SPSB4: variants seen among roughly 807,000 people sequenced by gnomAD.
SPSB4 encodes splA/ryanodine receptor domain and SOCS box containing 4.
In SPSB4, 21 loss-of-function variants were observed where a neutral mutation model predicts 20.9. The ratio of observed to expected loss-of-function variants is 1.01; its 90% confidence interval spans 0.71 to 1.45. The LOEUF (loss-of-function observed/expected upper bound fraction) is 1.45. Ranked by LOEUF, SPSB4 falls within the 40% of genes most tolerant of loss-of-function variation. The pLI, the probability that SPSB4 is intolerant of heterozygous loss-of-function variation, is 0.00. For missense variants in SPSB4, 399 were observed against 399.2 expected, an observed-to-expected ratio of 1.00 and a Z score of 0.00; for synonymous variants, 207 against 183.8, an observed-to-expected ratio of 1.13 and a Z score of -1.02.
In SPSB4 at chr3:141,141,080, C is replaced by T. The variant is rs1286126349; in HGVS notation, c.695-6062C>T. Among the ~76,000 whole-genome samples, 3 of 152,356 alleles carry T rather than the reference C, an allele frequency of 2.0e-5. No homozygotes were observed. The East Asian group carries it at 5.8e-4, about 29-fold the overall frequency. ...TGCCGCCTTGCAGTTTGATCTCAGACTGCTGTGCTAGCAATGAGTGAGGCT... is the reference window on the plus strand; with the variant it reads ...TGCCGCCTTGCAGTTTGATCTCAGATTGCTGTGCTAGCAATGAGTGAGGCT... On this transcript the variant is annotated intron_variant, in intron 2 of 2. Transcript: ENST00000310546.
At chr3:141,112,409 G>A (rs1938813538) in intron 2 of SPSB4, among the ~76,000 whole-genome samples, 1 of 151,940 alleles carries the variant, frequency 6.6e-6, no homozygotes, top group African/African-American at 2.4e-5. Context: ...ACTTTGGGAG[G>A]CCGAGGCGGG....
intron 2 of SPSB4, among the ~76,000 whole-genome samples, chr3:141,118,596 T>A (rs566000139): frequency 6.6e-6 from 1 of 152,316 alleles, no homozygotes; most frequent in African/African-American, 2.4e-5. Flanking sequence ...ATTGCCTAGG[T>A]TTTCTTCTAG....
At chr3:141,100,844 G>C (rs1169809680) in intron 2 of SPSB4, among the ~76,000 whole-genome samples, 2 of 152,170 alleles carry the variant, frequency 1.3e-5, no homozygotes, top group African/African-American at 4.8e-5. Flanking sequence ...GGGGCCTAGG[G>C]AGAGAAGGGA....
intron 1 of SPSB4, among the ~76,000 whole-genome samples, chr3:141,063,774 TG>T (rs2107777495): frequency 6.6e-6 from 1 of 152,350 alleles, no homozygotes; most frequent in African/African-American, 2.4e-5. Flanking sequence ...TAAACCTTCT[TG>T]GATCAGCATT....
intron 2 of SPSB4, among the ~76,000 whole-genome samples, chr3:141,118,332 G>C (rs1399593808): frequency 6.6e-6 from 1 of 152,110 alleles, no homozygotes; most frequent in Non-Finnish European, 1.5e-5. Flanking sequence ...CCTAATTTTT[G>C]ATGGGGTTGT....
rs183103075 is a variant in SPSB4, at chr3:141,109,037, C to G, written c.695-38105C>G. On this transcript the variant is annotated intron_variant, in intron 2 of 2. Coordinates refer to ENST00000310546, the MANE Select transcript of SPSB4 (RefSeq NM_080862.3). ...TTTATTCATTCATCAAAACCTGGGC[C>G]TTTTGGAGTCCAGTTTTTTAAATTT... Among the ~76,000 whole-genome samples the G allele has an allele frequency of 2.6e-5, 4 of 152,276 alleles. No individual in the cohort carries two copies. In the East Asian group the frequency reaches 7.7e-4, roughly 29 times the overall value.
At chr3:141,125,990 C>T (rs1939044137) in intron 2 of SPSB4, among the ~76,000 whole-genome samples, 1 of 152,066 alleles carries the variant, frequency 6.6e-6, no homozygotes, top group Non-Finnish European at 1.5e-5. Context: ...CATATGGGTG[C>T]CCCACGCAGA....
chr3:141,144,751 T>C (rs191202917), intron 2 of SPSB4, among the ~76,000 whole-genome samples: 13 of 152,362 alleles, frequency 8.5e-5, no homozygotes, highest in Non-Finnish European at 1.5e-4. Context: ...ATAAAAGACA[T>C]TCTGTCCTCT....
intron 2 of SPSB4, among the ~76,000 whole-genome samples, chr3:141,094,240 T>A (rs1354983903): frequency 6.6e-6 from 1 of 152,228 alleles, no homozygotes; most frequent in Non-Finnish European, 1.5e-5. Flanking sequence ...CCTTCTCATC[T>A]GACTGTGAGC....
intron 2 of SPSB4, among the ~76,000 whole-genome samples, chr3:141,109,853 A>C (rs1316152532): frequency 6.6e-6 from 1 of 152,150 alleles, no homozygotes; most frequent in African/African-American, 2.4e-5. Flanking sequence ...TGCAGAGAAG[A>C]GTGTTTTACG....
chr3:141,105,697 C>T (rs993702684), intron 2 of SPSB4, among the ~76,000 whole-genome samples: 1 of 152,144 alleles, frequency 6.6e-6, no homozygotes, highest in South Asian at 2.1e-4. Context: ...CTCTCCACTC[C>T]CTCATTGACA....
Position 141,079,806 on chromosome 3 carries a change from G to T in SPSB4, c.694+13008G>T, listed in dbSNP as rs530236167. Among the ~76,000 whole-genome samples, 380 of 152,276 alleles carry T rather than the reference G, an allele frequency of 2.5e-3. 1 individual carries two copies. Among genetic ancestry groups the T allele is most frequent in the African/African-American group, 5.6e-3 (233 of 41,540 alleles). ...CTGCAGTGGTCCCCTTTGGGGGAGG[G>T]GCATTTAAGTGAGACCTAAATGATG... On this transcript the variant is annotated intron_variant, in intron 2 of 2. Coordinates refer to ENST00000310546, the MANE Select transcript of SPSB4 (RefSeq NM_080862.3).
intron 2 of SPSB4, among the ~76,000 whole-genome samples, chr3:141,084,637 G>C (rs902685853): frequency 2.0e-5 from 3 of 152,182 alleles, no homozygotes; most frequent in Non-Finnish European, 4.4e-5. Flanking sequence ...GCCATATAAA[G>C]ATCTCTGGAG....
chr3:141,121,712 G>C (rs1938969814), intron 2 of SPSB4, among the ~76,000 whole-genome samples: 1 of 152,128 alleles, frequency 6.6e-6, no homozygotes, highest in African/African-American at 2.4e-5. Context: ...ATCGGTTATT[G>C]AAGCTTGTGC....
intron 2 of SPSB4, among the ~76,000 whole-genome samples, chr3:141,142,475 T>C (rs761820788): frequency 1.1e-4 from 17 of 152,234 alleles, no homozygotes; most frequent in Non-Finnish European, 1.9e-4. Flanking sequence ...TTGTCTATCT[T>C]GGAGAATGTC....
chr3:141,120,937 A>G (rs537340928), intron 2 of SPSB4, among the ~76,000 whole-genome samples: 2 of 151,996 alleles, frequency 1.3e-5, no homozygotes, highest in African/African-American at 4.8e-5. Context: ...GTTATGTGTG[A>G]ATGTGATCCT....
At chr3:141,055,649 C>G (rs967723347) in intron 1 of SPSB4, among the ~76,000 whole-genome samples, 1 of 152,060 alleles carries the variant, frequency 6.6e-6, no homozygotes, top group South Asian at 2.1e-4. Flanking sequence ...GGAAAGCTGA[C>G]GGGGTTGAGT....
At chr3:141,143,341 A>AG (rs1236437500) in intron 2 of SPSB4, among the ~76,000 whole-genome samples, 1 of 152,186 alleles carries the variant, frequency 6.6e-6, no homozygotes, top group East Asian at 1.9e-4. Context: ...TGCTTCCCCT[A>AG]GGGACGGGGC....
chr3:141,091,615 GA>G (rs1222114814), intron 2 of SPSB4, among the ~76,000 whole-genome samples: 2 of 152,238 alleles, frequency 1.3e-5, no homozygotes, highest in African/African-American at 4.8e-5. Context: ...ACATGTTGGT[GA>G]CAGAGCCAGG....
Sources: gnomAD v4.1 joint callset for allele counts (sites outside exome capture counted in the v4.1 genomes callset) on GRCh38, gnomAD v4.1.1 for gene constraint, MANE v1.5 for transcripts, NCBI Gene and HGNC (gene_info 2026-07-23, HGNC 2026-07-21) for gene names.